The following MYO18A variants were observed in gnomAD, a reference collection of about 807,000 sequenced individuals.
MYO18A encodes myosin XVIIIA.
MYO18A carries 78 observed loss-of-function variants against 235.8 expected under a neutral mutation model. The ratio of observed to expected loss-of-function variants is 0.33; its 90% CI spans 0.28 to 0.40. The LOEUF (loss-of-function observed/expected upper bound fraction) is 0.40, where lower values mean the gene tolerates loss of function less well. Ranked by LOEUF, MYO18A falls within the 10% of genes least tolerant of loss-of-function variation. The pLI is 1.00. For missense variants in MYO18A, 2,215 were observed against 2,699.3 expected (o/e 0.82, Z 3.98); for synonymous variants, 977 against 1,077.8 (o/e 0.91, Z 1.83).
intron 21 of MYO18A, 150 bp downstream of exon 21, chr17:29,103,449 G>C: frequency 1.3e-6 from 1 of 744,450 alleles, no homozygotes; most frequent in South Asian, 1.7e-5. Flanking sequence ...GCCCCTGAGT[G>C]GCTGGGCGGG....
intron 2 of MYO18A, among the ~76,000 whole-genome samples, chr17:29,159,705 T>A (rs552639485): frequency 2.1e-4 from 32 of 152,322 alleles, no homozygotes; most frequent in Non-Finnish European, 3.5e-4. Context: ...CTTGGAATCC[T>A]GCAGGCCCCA....
chr17:29,171,422 A>C (rs546981936), intron 1 of MYO18A, among the ~76,000 whole-genome samples: 2 of 152,108 alleles, frequency 1.3e-5, no homozygotes, highest in African/African-American at 4.8e-5. Flanking sequence ...CCTGGGAGAC[A>C]GAGCAAGACC....
intron 2 of MYO18A, among the ~76,000 whole-genome samples, chr17:29,152,800 C>A (rs2067986814): frequency 6.6e-6 from 1 of 152,080 alleles, no homozygotes; most frequent in Non-Finnish European, 1.5e-5. Flanking sequence ...TGGCTCACTG[C>A]AGCCTCAAAC....
rs767681226 is a variant in MYO18A, at chr17:29,094,953, G to C, written c.4492C>G (p.Leu1498Val). Residue 1498 changes from leucine (L) to valine (V), a missense_variant, in exon 29 of 42, where the codon CTG (leucine) becomes GTG (valine). Physicochemically the swap from Leu to Val is conservative, Grantham distance 32. Transcript: ENST00000527372. ...CTACCCACCTCTAGTTGCTGCTTCA[G>C]GCTGAAAGCCTCAGCGAGGAGCATG... is the stretch of plus-strand genomic sequence containing the variant. Reference protein sequence around the residue: ...KDMLLAEAFSLKQQLEEKDMD... With the variant: ...KDMLLAEAFSVKQQLEEKDMD... 7.5e-6 allele frequency: 12 copies of C among 1,610,002 alleles called. No individual in the cohort carries two copies. The East Asian group carries it at 2.7e-4, about 36-fold the overall frequency.
rs759827753 is a variant in MYO18A at position 29,090,000 on chromosome 17, T to C, written c.5487A>G (p.Thr1829=). 6.2e-7 allele frequency: 1 copy of C among 1,614,078 alleles called. No individual in the cohort carries two copies. The highest frequency in any genetic ancestry group is 1.3e-5 in the African/African-American group (1 of 75,082). The change falls in exon 37 of 42, where the codon ACA becomes ACG. Residue 1829 remains threonine, a synonymous_variant. Transcript: ENST00000527372. ...RQEAKIRELE[T]RLEFERTQVK... is the part of the protein sequence containing the mutation. ...CTTGCGTCCTTTCAAACTCCAGGCG[T>C]GTCTCCAGCTCCCGTATCTTAGCTT...
At chr17:29,162,326 C>T (rs1490071345) in intron 2 of MYO18A, among the ~76,000 whole-genome samples, 1 of 152,238 alleles carries the variant, frequency 6.6e-6, no homozygotes, top group Non-Finnish European at 1.5e-5. Context: ...TCACAGGGGC[C>T]TCCATGACCT....
At chr17:29,102,977 C>T (rs1040113104) in intron 21 of MYO18A, among the ~76,000 whole-genome samples, 4 of 152,158 alleles carry the variant, frequency 2.6e-5, no homozygotes, top group Non-Finnish European at 5.9e-5. Flanking sequence ...TTCCCAGGCT[C>T]GGAAGAGAGG....
rs773322706 is a variant in MYO18A at position 29,096,783 on chromosome 17, C to T, written c.4363G>A (p.Glu1455Lys). The change falls in exon 28 of 42, where the codon GAA (glutamate) becomes AAA (lysine). Residue 1455 changes from glutamate (E) to lysine (K), a missense_variant. By Grantham distance (56) the Glu-to-Lys change is moderately conservative (BLOSUM62 1). Transcript: ENST00000527372. ...HLEGQQVRNH[E>K]LEKKQRRFDS... Reference sequence around the variant, plus strand: ...CACCTCCTCTGCTTCTTCTCCAGTTCGTGGTTGCGGACCTGCTGGCCCTCC... The same window carrying T: ...CACCTCCTCTGCTTCTTCTCCAGTTTGTGGTTGCGGACCTGCTGGCCCTCC... The T allele has an allele frequency of 3.1e-6, 5 of 1,605,654 alleles. No homozygotes were observed. Among genetic ancestry groups the T allele is most frequent in the Non-Finnish European group, 4.3e-6 (5 of 1,175,904 alleles).
In MYO18A at chr17:29,133,939, ACT is replaced by A. The variant is rs1213248214; in HGVS notation, c.1000-11688_1000-11687del. The A allele has an allele frequency of 1.3e-5, 14 of 1,045,558 alleles. No individual in the cohort carries two copies. The Middle Eastern group carries it at 1.3e-3, about 96-fold the overall frequency. 64.8% of individuals were successfully genotyped at this position (1,045,558 alleles called of 1,614,324 possible). A position where few individuals can be genotyped will look rare whatever the true frequency, so the allele number is the denominator to read the frequency against. On this transcript the variant is annotated intron_variant, in intron 2 of 41. Coordinates refer to ENST00000527372, the MANE Select transcript of MYO18A (RefSeq NM_078471.4). ...AAGGCCAGAACCTGCCAGGATAAAC[ACT>A]GTGGGCAACAAGGGGAAAGGAGGGA...
At position 29,094,647 on chromosome 17, in the gene MYO18A, T is replaced by C. The variant is rs1467006834; in HGVS notation, c.4710+3A>G. 1 of 1,614,046 alleles carries C rather than the reference T, an allele frequency of 6.2e-7. No homozygotes were observed. Among genetic ancestry groups the C allele is most frequent in the Non-Finnish European group, 8.5e-7 (1 of 1,179,886 alleles). On this transcript the variant is annotated splice_donor_region_variant and intron_variant, in intron 30 of 41. Coordinates refer to ENST00000527372, the MANE Select transcript of MYO18A (RefSeq NM_078471.4). ...CCTCTCCCTTGGCCAAGCCCTCCTG[T>C]ACCTGTTCCAGCATCTGGATGGTCC...
At chr17:29,091,417 C>A (rs986160249) in intron 34 of MYO18A, 4 of 332,644 alleles carry the variant, frequency 1.2e-5, no homozygotes, top group Non-Finnish European at 2.4e-5. Context: ...GAAGAGAGAT[C>A]CAACAGCAGC....
chr17:29,129,099 A>T, intron 2 of MYO18A: 1 of 1,289,390 alleles, frequency 7.8e-7, no homozygotes. Flanking sequence ...CCGGGCAGTC[A>T]GACCAAGAGC....
At chr17:29,085,843 T>G (rs1398965296) in intron 39 of MYO18A, among the ~76,000 whole-genome samples, 195 bp from the exon 40 acceptor site, 1 of 152,132 alleles carries the variant, frequency 6.6e-6, no homozygotes, top group Non-Finnish European at 1.5e-5. Context: ...CTGGCACCTC[T>G]CCCCTGCCCC....
chr17:29,143,549 A>C (rs533971312), intron 2 of MYO18A, among the ~76,000 whole-genome samples: 5 of 152,176 alleles, frequency 3.3e-5, no homozygotes, highest in Admixed American at 3.3e-4. Flanking sequence ...GCCTTAATAC[A>C]TTTTAACTAT....
chr17:29,138,588 T>C (rs1224616523), intron 2 of MYO18A, among the ~76,000 whole-genome samples: 5 of 152,258 alleles, frequency 3.3e-5, no homozygotes, highest in African/African-American at 9.6e-5. Context: ...GCATTTGGTA[T>C]GTGTCAGGTG....
At chr17:29,124,816 T>C (rs2067282819) in intron 2 of MYO18A, 4 of 729,242 alleles carry the variant, frequency 5.5e-6, no homozygotes, top group South Asian at 2.0e-5. Flanking sequence ...AGGCTCGGGG[T>C]GAAGGTGGGG....
chr17:29,092,539 C>G, intron 33 of MYO18A, 83 bp from the exon 34 acceptor site: 2 of 1,137,242 alleles, frequency 1.8e-6, no homozygotes, highest in Non-Finnish European at 2.6e-6. Flanking sequence ...AGAGGGAGCT[C>G]GGATGCCCTC....
intron 2 of MYO18A, among the ~76,000 whole-genome samples, chr17:29,154,506 G>A (rs2068025682): frequency 6.6e-6 from 1 of 152,190 alleles, no homozygotes. Flanking sequence ...AAGGGGAATA[G>A]GGATGTTTGC....
At chr17:29,165,902 C>G in intron 2 of MYO18A, 40 bp downstream of exon 2, 1 of 1,570,070 alleles carries the variant, frequency 6.4e-7, no homozygotes, top group Non-Finnish European at 8.7e-7. Context: ...GCCCACATTC[C>G]CCATCCCTGC....
Sources: gnomAD v4.1 joint callset for allele counts (sites outside exome capture counted in the v4.1 genomes callset) on GRCh38, gnomAD v4.1.1 for gene constraint, MANE v1.5 for transcripts, NCBI Gene and HGNC (gene_info 2026-07-23, HGNC 2026-07-21) for gene names.